The following UBE2E2 variants were observed in gnomAD, a reference collection of about 807,000 sequenced individuals.
The protein encoded by UBE2E2 is ubiquitin conjugating enzyme E2 E2.
A neutral mutation model predicts 24.7 loss-of-function variants in UBE2E2; 6 were observed. The ratio of observed to expected loss-of-function variants is 0.24; its 90% CI spans 0.13 to 0.48. The LOEUF is 0.48. UBE2E2 is among the 20% of genes least tolerant of loss of function. UBE2E2 has a pLI of 0.99. For synonymous variants in UBE2E2, 104 were observed against 83.6 expected, an observed-to-expected ratio of 1.24 and a Z score of -1.33; for missense variants, 169 against 245.0, an observed-to-expected ratio of 0.69 and a Z score of 2.07.
intron 3 of UBE2E2, among the ~76,000 whole-genome samples, chr3:23,341,870 G>A (rs1445566738): frequency 6.6e-6 from 1 of 152,126 alleles, no homozygotes; most frequent in Non-Finnish European, 1.5e-5. Flanking sequence ...GAATCAATGA[G>A]AAGATGTAAA....
At chr3:23,482,506 G>A (rs1699278323) in intron 3 of UBE2E2, among the ~76,000 whole-genome samples, 1 of 151,910 alleles carries the variant, frequency 6.6e-6, no homozygotes, top group African/African-American at 2.4e-5. Flanking sequence ...AACAGAAAAG[G>A]AAGATAAACC....
At chr3:23,545,549 CAGAACAAAATGGAGTCTCCTAT>C (rs1255621889) in intron 5 of UBE2E2, among the ~76,000 whole-genome samples, 3 of 152,148 alleles carry the variant, frequency 2.0e-5, no homozygotes, top group African/African-American at 7.2e-5. Context: ...TTTTTTAGTA[CAGAACAAAATGGAGTCTCCTAT>C]GTCTACTTCT....
intron 5 of UBE2E2, among the ~76,000 whole-genome samples, chr3:23,563,130 C>T (rs1402731699): frequency 3.9e-5 from 6 of 152,074 alleles, no homozygotes; most frequent in South Asian, 2.1e-4. Flanking sequence ...TGTGTTTGCT[C>T]TTGCTTCTCT....
At chr3:23,557,250 C>T (rs1431129542) in intron 5 of UBE2E2, among the ~76,000 whole-genome samples, 1 of 152,152 alleles carries the variant, frequency 6.6e-6, no homozygotes, top group Non-Finnish European at 1.5e-5. Flanking sequence ...AGATGCTAAC[C>T]AATATGGCAG....
At chr3:23,246,343 C>G (rs1301542898) in intron 3 of UBE2E2, among the ~76,000 whole-genome samples, 1 of 151,338 alleles carries the variant, frequency 6.6e-6, no homozygotes, top group Non-Finnish European at 1.5e-5. Flanking sequence ...GCCTCAGCCT[C>G]CTGAGTAGCT....
chr3:23,473,599 A>G (rs953546975), intron 3 of UBE2E2, among the ~76,000 whole-genome samples: 2 of 151,970 alleles, frequency 1.3e-5, no homozygotes, highest in Non-Finnish European at 2.9e-5. Flanking sequence ...CCCTTTCCCC[A>G]CTGAGTCCCC....
At chr3:23,423,031 C>A (rs938656037) in intron 3 of UBE2E2, among the ~76,000 whole-genome samples, 13 of 152,142 alleles carry the variant, frequency 8.5e-5, no homozygotes, top group African/African-American at 3.1e-4. Context: ...TTCTGTGTGT[C>A]TGCTTACATA....
At chr3:23,417,406 G>C (rs1407963765) in intron 3 of UBE2E2, among the ~76,000 whole-genome samples, 1 of 152,190 alleles carries the variant, frequency 6.6e-6, no homozygotes, top group African/African-American at 2.4e-5. Flanking sequence ...ATTGCTGCCT[G>C]TTCCTTCCTC....
At chr3:23,291,758 C>T (rs1698770914) in intron 3 of UBE2E2, among the ~76,000 whole-genome samples, 1 of 143,096 alleles carries the variant, frequency 7.0e-6, no homozygotes, top group South Asian at 2.3e-4. Context: ...TCTTGGCTCA[C>T]TGCAACCTCC....
intron 3 of UBE2E2, among the ~76,000 whole-genome samples, chr3:23,331,704 C>T (rs893735303): frequency 2.6e-5 from 4 of 151,704 alleles, no homozygotes; most frequent in African/African-American, 9.7e-5. Flanking sequence ...GAGGAGTGAG[C>T]CATGGAAAGA....
chr3:23,575,211 A>C (rs1396957873), intron 5 of UBE2E2, among the ~76,000 whole-genome samples: 1 of 152,220 alleles, frequency 6.6e-6, no homozygotes, highest in Non-Finnish European at 1.5e-5. Flanking sequence ...TTTTAGTCCC[A>C]AGTTACATTC....
chr3:23,277,320 C>T (rs527473745), intron 3 of UBE2E2, among the ~76,000 whole-genome samples: 263 of 152,096 alleles, frequency 1.7e-3, no homozygotes, highest in Non-Finnish European at 3.5e-3. Context: ...TTTCAAAGAT[C>T]GGCTACTGCC....
At chr3:23,312,592 A>AT (rs919393323) in intron 3 of UBE2E2, among the ~76,000 whole-genome samples, 1 of 150,776 alleles carries the variant, frequency 6.6e-6, no homozygotes. Context: ...TGTTTTGTTG[A>AT]TTTTTTATAT....
intron 4 of UBE2E2, among the ~76,000 whole-genome samples, chr3:23,517,228 A>G (rs1209238624): frequency 2.0e-5 from 3 of 152,100 alleles, no homozygotes; most frequent in Non-Finnish European, 4.4e-5. Flanking sequence ...TATGAGTTTT[A>G]TTTTCTAATA....
intron 3 of UBE2E2, among the ~76,000 whole-genome samples, chr3:23,298,759 T>A (rs1698985167): frequency 6.6e-6 from 1 of 152,014 alleles, no homozygotes; most frequent in African/African-American, 2.4e-5. Context: ...CTTTTTTGGT[T>A]GTGTCTCTGC....
intron 3 of UBE2E2, among the ~76,000 whole-genome samples, chr3:23,298,423 T>G (rs541443581): frequency 6.6e-6 from 1 of 152,152 alleles, no homozygotes; most frequent in Non-Finnish European, 1.5e-5. Context: ...TGGCTGTAGG[T>G]TTGTCATAGA....
At chr3:23,562,498 G>A (rs1051050507) in intron 5 of UBE2E2, among the ~76,000 whole-genome samples, 15 of 152,156 alleles carry the variant, frequency 9.9e-5, no homozygotes, top group Admixed American at 2.6e-4. Context: ...TTTTTGCATC[G>A]ATGTTCATCA....
chr3:23,301,336 T>G (rs1699083057), intron 3 of UBE2E2, among the ~76,000 whole-genome samples: 1 of 152,240 alleles, frequency 6.6e-6, no homozygotes, highest in African/African-American at 2.4e-5. Flanking sequence ...AGGAGCTGCG[T>G]TCCTTTGGAG....
In UBE2E2 at chr3:23,222,373, T is replaced by G. The variant is rs186564820; in HGVS notation, c.227+5061T>G. Among the ~76,000 whole-genome samples the G allele has an allele frequency of 7.0e-4, 107 of 152,326 alleles. 1 individual carries two copies. Among genetic ancestry groups the G allele is most frequent in the African/African-American group, 2.5e-3 (105 of 41,578 alleles). On this transcript the variant is annotated intron_variant, in intron 3 of 5. Transcript: ENST00000396703. ...CTTTTTGATATATACTGATATGCTT[T>G]GGCAATGTCCCCACCCAAATCTCAT...
Sources: gnomAD v4.1 joint callset for allele counts (sites outside exome capture counted in the v4.1 genomes callset) on GRCh38, gnomAD v4.1.1 for gene constraint, MANE v1.5 for transcripts, NCBI Gene and HGNC (gene_info 2026-07-23, HGNC 2026-07-21) for gene names.